Variants in MAN2A1 observed in about 807,000 individuals in gnomAD.
MAN2A1 encodes the protein alpha-mannosidase 2.
Under a neutral mutation model 142.6 loss-of-function variants are expected in MAN2A1, and 76 were observed. The observed-to-expected ratio is 0.53, with a 90% CI of 0.44 to 0.65. MAN2A1 has a LOEUF of 0.65. Ranked by LOEUF, MAN2A1 falls within the 30% of genes least tolerant of loss-of-function variation. The probability of loss-of-function intolerance (pLI) is 0.00; values close to 1 mark genes in which losing one functional copy is unlikely to be tolerated. For missense variants in MAN2A1, 1,311 were observed against 1,365.1 expected, an observed-to-expected ratio of 0.96 and a Z score of 0.62; for synonymous variants, 559 against 473.2, an observed-to-expected ratio of 1.18 and a Z score of -2.35.
intron 12 of MAN2A1, among the ~76,000 whole-genome samples, chr5:109,804,636 A>G (rs1754117428): frequency 6.6e-6 from 1 of 152,172 alleles, no homozygotes; most frequent in Non-Finnish European, 1.5e-5. Context: ...GTTTCTAAAA[A>G]TACTTTGAAA....
intron 6 of MAN2A1, 148 bp downstream of exon 6, chr5:109,767,856 C>A: frequency 1.6e-6 from 1 of 626,936 alleles, no homozygotes; most frequent in Non-Finnish European, 2.7e-6. Context: ...TTATTTTTCC[C>A]ATGTGCCTGT....
chr5:109,768,707 G>C (rs543375068), intron 6 of MAN2A1, among the ~76,000 whole-genome samples: 162 of 152,118 alleles, frequency 1.1e-3, no homozygotes, highest in Middle Eastern at 3.4e-3. Context: ...ATGTACTCCT[G>C]TTTTTTTCAG....
chr5:109,720,327 A>G (rs1751565831), intron 3 of MAN2A1, among the ~76,000 whole-genome samples: 1 of 152,214 alleles, frequency 6.6e-6, no homozygotes, highest in Admixed American at 6.5e-5. Context: ...TACATTTGCA[A>G]TTCTTTTGTA....
intron 5 of MAN2A1, among the ~76,000 whole-genome samples, chr5:109,762,794 A>G (rs973154564): frequency 6.6e-6 from 1 of 152,188 alleles, no homozygotes; most frequent in Non-Finnish European, 1.5e-5. Context: ...CAACATCATA[A>G]AACTGTTCAG....
At chr5:109,787,999 G>A (rs907062228) in intron 10 of MAN2A1, among the ~76,000 whole-genome samples, 2 of 151,650 alleles carry the variant, frequency 1.3e-5, no homozygotes, top group East Asian at 3.9e-4. Context: ...AAATATTAAT[G>A]CTCTGCAAAA....
chr5:109,857,739 A>T (rs1326459259), intron 20 of MAN2A1, among the ~76,000 whole-genome samples: 4 of 152,132 alleles, frequency 2.6e-5, no homozygotes, highest in African/African-American at 9.7e-5. Context: ...CACTTCTCAG[A>T]TGAAAAATCC....
chr5:109,820,205 T>A lies in MAN2A1; in HGVS notation c.2329-15T>A, dbSNP rs201843344. ...TAGTGGTGAGTTGCTTATTATTATT[T>A]TTTTTAATCTTTAGCAAATGATGAC... On this transcript the variant is annotated splice_polypyrimidine_tract_variant and intron_variant, in intron 14 of 21. Transcript: ENST00000261483. 320 of 1,592,304 alleles carry A rather than the reference T, an allele frequency of 2.0e-4. No homozygotes were observed. The African/African-American group carries it at 3.6e-3, about 18-fold the overall frequency.
At chr5:109,697,235 ATTG>A (rs2112539271) in intron 1 of MAN2A1, among the ~76,000 whole-genome samples, 1 of 152,306 alleles carries the variant, frequency 6.6e-6, no homozygotes, top group South Asian at 2.1e-4. Context: ...TTTTCAGTGT[ATTG>A]TTTTTATTTC....
chr5:109,700,109 T>G (rs1750933802), intron 1 of MAN2A1, among the ~76,000 whole-genome samples: 1 of 152,126 alleles, frequency 6.6e-6, no homozygotes, highest in African/African-American at 2.4e-5. Context: ...TAGTTTTTGT[T>G]TTTTCTGTCT....
chr5:109,722,256 T>C (rs1751625652), intron 3 of MAN2A1, among the ~76,000 whole-genome samples: 1 of 152,198 alleles, frequency 6.6e-6, no homozygotes, highest in Non-Finnish European at 1.5e-5. Flanking sequence ...CACTGCACTA[T>C]CTCCTATCCT....
chr5:109,807,757 T>A (rs1754206170), intron 12 of MAN2A1, among the ~76,000 whole-genome samples: 1 of 152,154 alleles, frequency 6.6e-6, no homozygotes, highest in Non-Finnish European at 1.5e-5. Context: ...ATTCATAGGT[T>A]ATGGAATTAG....
rs544135473 is a variant in MAN2A1, at chr5:109,762,810, GA to G, written c.836-4724del. On this transcript the variant is annotated intron_variant, in intron 5 of 21. Transcript: ENST00000261483. ...AACATCATAAAACTGTTCAGTTTTAGAGGTATAATTGTCAAAAGCACAATGT... is the reference window on the plus strand; with the variant it reads ...AACATCATAAAACTGTTCAGTTTTAGGGTATAATTGTCAAAAGCACAATGT... 1.3e-4 allele frequency among the ~76,000 whole-genome samples: 20 copies of G among 152,274 alleles called. No homozygotes were observed. In the South Asian group the frequency reaches 3.9e-3, roughly 30 times the overall value.
At chr5:109,771,844 G>A (rs1413498954) in intron 7 of MAN2A1, among the ~76,000 whole-genome samples, 1 of 152,172 alleles carries the variant, frequency 6.6e-6, no homozygotes, top group Non-Finnish European at 1.5e-5. Context: ...GTTTCAGCTG[G>A]GGAGTCCCAG....
intron 5 of MAN2A1, among the ~76,000 whole-genome samples, chr5:109,762,105 G>A (rs1752860211): frequency 6.6e-6 from 1 of 152,036 alleles, no homozygotes; most frequent in African/African-American, 2.4e-5. Context: ...TTTTTCATAT[G>A]TATATTTAAA....
intron 12 of MAN2A1, among the ~76,000 whole-genome samples, chr5:109,791,550 T>C (rs1215965512): frequency 1.3e-5 from 2 of 151,990 alleles, no homozygotes; most frequent in Non-Finnish European, 2.9e-5. Context: ...GTTGTAAGGG[T>C]TGGCTTTTTT....
chr5:109,826,741 C>T (rs1208215507), intron 16 of MAN2A1, among the ~76,000 whole-genome samples: 1 of 152,198 alleles, frequency 6.6e-6, no homozygotes, highest in Non-Finnish European at 1.5e-5. Context: ...GTATTTGGCT[C>T]TATCAGCGTT....
At chr5:109,832,040 T>G (rs1261728787) in intron 16 of MAN2A1, among the ~76,000 whole-genome samples, 2 of 151,758 alleles carry the variant, frequency 1.3e-5, no homozygotes, top group Non-Finnish European at 2.9e-5. Flanking sequence ...ATGTATCCAT[T>G]GATGAATGTC....
intron 21 of MAN2A1, chr5:109,865,381 C>A: frequency 2.0e-6 from 1 of 489,622 alleles, no homozygotes; most frequent in Non-Finnish European, 3.7e-6. Flanking sequence ...GAAGGCAATG[C>A]TCTTGTTATT....
chr5:109,714,989 CAA>C (rs60333109), intron 2 of MAN2A1, among the ~76,000 whole-genome samples: 46 of 118,022 alleles, frequency 3.9e-4, no homozygotes, highest in East Asian at 5.5e-4. Flanking sequence ...AAGGGAACAG[CAA>C]AAAAAAAAAA....
Sources: gnomAD v4.1 joint callset for allele counts (sites outside exome capture counted in the v4.1 genomes callset) on GRCh38, gnomAD v4.1.1 for gene constraint, MANE v1.5 for transcripts, NCBI Gene and HGNC (gene_info 2026-07-23, HGNC 2026-07-21) for gene names.